ARHGAP26: variants seen among roughly 807,000 people sequenced by gnomAD.
ARHGAP26 encodes rho GTPase-activating protein 26.
ARHGAP26 carries 38 observed loss-of-function variants against 104.8 expected under a neutral mutation model. The observed-to-expected ratio is 0.36, with a 90% CI of 0.28 to 0.48. The LOEUF (loss-of-function observed/expected upper bound fraction) is 0.48, where lower values mean the gene tolerates loss of function less well. ARHGAP26 is among the 20% of genes least tolerant of loss of function. The pLI, the probability that ARHGAP26 is intolerant of heterozygous loss-of-function variation, is 0.99. For missense variants in ARHGAP26, 704 were observed against 947.9 expected, an observed-to-expected ratio of 0.74 and a Z score of 3.38; for synonymous variants, 341 against 340.0, an observed-to-expected ratio of 1.00 and a Z score of -0.03.
At chr5:143,108,946 A>G (rs1794431518) in intron 17 of ARHGAP26, among the ~76,000 whole-genome samples, 1 of 152,250 alleles carries the variant, frequency 6.6e-6, no homozygotes, top group Non-Finnish European at 1.5e-5. Flanking sequence ...GCTAAGCCAC[A>G]TGGCTAAGGG....
chr5:142,993,056 A>T (rs1775856024), intron 11 of ARHGAP26, among the ~76,000 whole-genome samples: 2 of 151,054 alleles, frequency 1.3e-5, no homozygotes, highest in Non-Finnish European at 2.9e-5. Context: ...ATCTCGGCTC[A>T]CTGCAACCTC....
chr5:143,120,151 G>A (rs946297977), intron 17 of ARHGAP26, among the ~76,000 whole-genome samples: 1 of 152,200 alleles, frequency 6.6e-6, no homozygotes, highest in Non-Finnish European at 1.5e-5. Flanking sequence ...TTGTTGCCAA[G>A]TAGATGATTT....
In ARHGAP26 at chr5:143,012,748, G is replaced by A. The variant is rs1779072990; in HGVS notation, c.1108-1332G>A. Among the ~76,000 whole-genome samples the A allele has an allele frequency of 2.7e-5, 4 of 149,354 alleles. No homozygotes were observed. In the South Asian group the frequency reaches 8.5e-4, roughly 32 times the overall value. ...GGCTCACTGCAAGCTCGACCTCCTGGGTTCATGCCATTCTCCTGCCTCAGC... is the reference window on the plus strand; with the variant it reads ...GGCTCACTGCAAGCTCGACCTCCTGAGTTCATGCCATTCTCCTGCCTCAGC... On this transcript the variant is annotated intron_variant, in intron 11 of 22. Coordinates refer to ENST00000645722, the MANE Select transcript of ARHGAP26 (RefSeq NM_001135608.3).
At chr5:143,023,532 T>G (rs1780626895) in intron 12 of ARHGAP26, among the ~76,000 whole-genome samples, 1 of 152,186 alleles carries the variant, frequency 6.6e-6, no homozygotes, top group African/African-American at 2.4e-5. Flanking sequence ...TTTGTTTTTC[T>G]TTTGCTTCTA....
chr5:143,166,020 T>G (rs1384999418), intron 20 of ARHGAP26: 1 of 1,318,294 alleles, frequency 7.6e-7, no homozygotes, highest in African/African-American at 1.5e-5. Flanking sequence ...CGTTGCTCTT[T>G]TAACAGGCAC....
rs574397346 is a variant in ARHGAP26, at chr5:143,052,246, C to T, written c.1286-2193C>T. Among the ~76,000 whole-genome samples the T allele has an allele frequency of 1.2e-4, 19 of 152,030 alleles. No homozygotes were observed. In the East Asian group the frequency reaches 1.4e-3, roughly 11 times the overall value. Reference sequence around the variant, plus strand: ...CAGCACTTTAGGAGGCCGAGGCGGGCGGATCTCGAGGTCAGGAGTTCAAGA... The same window carrying T: ...CAGCACTTTAGGAGGCCGAGGCGGGTGGATCTCGAGGTCAGGAGTTCAAGA... On this transcript the variant is annotated intron_variant, in intron 14 of 22. Coordinates refer to ENST00000645722, the MANE Select transcript of ARHGAP26 (RefSeq NM_001135608.3).
intron 17 of ARHGAP26, among the ~76,000 whole-genome samples, chr5:143,071,597 C>T (rs1788255232): frequency 6.6e-6 from 1 of 152,144 alleles, no homozygotes; most frequent in South Asian, 2.1e-4. Flanking sequence ...ACCTTAAAAG[C>T]ACAGTCAGTA....
chr5:143,123,984 A>AAC (rs995047838), intron 18 of ARHGAP26, among the ~76,000 whole-genome samples: 3 of 149,182 alleles, frequency 2.0e-5, no homozygotes, highest in Non-Finnish European at 4.5e-5. Context: ...CACACACACA[A>AAC]ACACACAATG....
At chr5:142,945,546 A>AT (rs1463454871) in intron 11 of ARHGAP26, among the ~76,000 whole-genome samples, 5 of 152,174 alleles carry the variant, frequency 3.3e-5, no homozygotes, top group Non-Finnish European at 7.3e-5. Context: ...TTAAGGCCAA[A>AT]TTAAGAGTTC....
intron 12 of ARHGAP26, among the ~76,000 whole-genome samples, chr5:143,019,922 T>C (rs952642242): frequency 6.6e-5 from 10 of 152,184 alleles, no homozygotes; most frequent in East Asian, 1.9e-4. Flanking sequence ...TCAGATTCCA[T>C]AGGTTAATCG....
intron 20 of ARHGAP26, among the ~76,000 whole-genome samples, chr5:143,197,086 T>G (rs752272468): frequency 4.4e-4 from 67 of 152,270 alleles, no homozygotes; most frequent in Admixed American, 2.7e-3. Flanking sequence ...TGCACCATTG[T>G]ATTAATACAC....
intron 1 of ARHGAP26, among the ~76,000 whole-genome samples, chr5:142,782,450 T>C (rs1476427046): frequency 1.3e-5 from 2 of 152,126 alleles, no homozygotes; most frequent in Admixed American, 1.3e-4. Context: ...CCTTCAGAGA[T>C]TCTGATATAA....
intron 11 of ARHGAP26, among the ~76,000 whole-genome samples, chr5:142,986,514 T>A (rs1193816206): frequency 2.6e-5 from 4 of 152,218 alleles, no homozygotes; most frequent in Non-Finnish European, 4.4e-5. Flanking sequence ...TTTAATTAGA[T>A]CCCATTTGTC....
At chr5:143,124,047 T>C (rs974623725) in intron 18 of ARHGAP26, among the ~76,000 whole-genome samples, 3 of 152,148 alleles carry the variant, frequency 2.0e-5, no homozygotes, top group African/African-American at 7.2e-5. Context: ...TTAGACAAAA[T>C]CCTGAAACCC....
intron 10 of ARHGAP26, among the ~76,000 whole-genome samples, chr5:142,931,822 C>T (rs1278908427): frequency 6.6e-6 from 1 of 152,206 alleles, no homozygotes; most frequent in African/African-American, 2.4e-5. Context: ...AGGATCATGT[C>T]TTCTGTGTTT....
At chr5:142,860,085 A>C (rs985198776) in intron 1 of ARHGAP26, 1 of 152,244 alleles carries the variant, frequency 6.6e-6, no homozygotes, top group Non-Finnish European at 1.5e-5. Context: ...AAGGAGCCCC[A>C]GTGCGCCCGC....
At chr5:142,885,267 T>C (rs1562014305) in intron 4 of ARHGAP26, 31 bp from the exon 5 acceptor site, 2 of 1,590,032 alleles carry the variant, frequency 1.3e-6, no homozygotes, top group Non-Finnish European at 1.7e-6. Context: ...CGTGTTACTC[T>C]TTTTCTTTTT....
chr5:143,063,428 C>T (rs1018365106), intron 17 of ARHGAP26, among the ~76,000 whole-genome samples: 2 of 152,090 alleles, frequency 1.3e-5, no homozygotes, highest in African/African-American at 4.8e-5. Flanking sequence ...GCATGTGATT[C>T]CCCTGCTTAA....
At chr5:143,075,521 T>A (rs1788867940) in intron 17 of ARHGAP26, among the ~76,000 whole-genome samples, 1 of 152,038 alleles carries the variant, frequency 6.6e-6, no homozygotes, top group South Asian at 2.1e-4. Context: ...AAAAAGGAGA[T>A]CACTGGGCCT....
Sources: gnomAD v4.1 joint callset for allele counts (sites outside exome capture counted in the v4.1 genomes callset) on GRCh38, gnomAD v4.1.1 for gene constraint, MANE v1.5 for transcripts, NCBI Gene and HGNC (gene_info 2026-07-23, HGNC 2026-07-21) for gene names.